Variants in HIVEP1 observed in about 807,000 individuals in gnomAD.
HIVEP1 encodes zinc finger protein 40.
In HIVEP1, 36 loss-of-function variants were observed where a neutral mutation model predicts 180.0. The ratio of observed to expected loss-of-function variants is 0.20; its 90% CI spans 0.15 to 0.26. HIVEP1 has a LOEUF of 0.26. Among genes scored for constraint, HIVEP1 ranks in the 10% least tolerant of loss-of-function variants. The pLI, the probability that HIVEP1 is intolerant of heterozygous loss-of-function variation, is 1.00. For synonymous variants in HIVEP1, 1,239 were observed against 1,239.0 expected, an observed-to-expected ratio of 1.00 and a Z score of 0.00; for missense variants, 3,143 against 3,268.7, an observed-to-expected ratio of 0.96 and a Z score of 0.94.
intron 2 of HIVEP1, among the ~76,000 whole-genome samples, chr6:12,016,340 GA>G (rs371385835): frequency 1.1e-4 from 16 of 152,246 alleles, no homozygotes; most frequent in African/African-American, 3.4e-4. Flanking sequence ...TATCAATGGT[GA>G]ATAGCAATTA....
At chr6:12,161,036 T>C (rs1038402215) in intron 7 of HIVEP1, among the ~76,000 whole-genome samples, 4 of 152,246 alleles carry the variant, frequency 2.6e-5, no homozygotes, top group African/African-American at 7.2e-5. Context: ...AAAAGGAAGA[T>C]ACAAAATAGG....
rs1053174183 is a variant in HIVEP1, at chr6:12,164,648, A to G, written c.*187A>G. The G allele has an allele frequency of 2.0e-5, 11 of 536,696 alleles. No homozygotes were observed. Among genetic ancestry groups the G allele is most frequent in the South Asian group, 1.6e-4 (6 of 36,364 alleles). The allele number at this position is 536,696 out of a possible 1,614,324, so 33.2% of individuals were successfully genotyped here. On this transcript the variant is annotated 3_prime_UTR_variant, in exon 9 of 9. Transcript: ENST00000379388. ...CATTTTTGTACATGTTGTATAGACA[A>G]TTGTGCCTTTTAGGAGCTTTATGTT...
chr6:12,043,302 C>T (rs1259576611), intron 2 of HIVEP1, among the ~76,000 whole-genome samples: 5 of 151,386 alleles, frequency 3.3e-5, no homozygotes, highest in Middle Eastern at 3.2e-3. Flanking sequence ...TATTTATATG[C>T]GCATGAGTGC....
the HIVEP1 span, among the ~76,000 whole-genome samples, chr6:12,173,940 T>C: frequency 1.3e-5 from 2 of 152,164 alleles, no homozygotes; most frequent in African/African-American, 4.8e-5. Flanking sequence ...GCAAGGCTTA[T>C]TTTTGCCCAG....
At chr6:12,084,669 G>T (rs1772999641) in intron 2 of HIVEP1, among the ~76,000 whole-genome samples, 1 of 152,132 alleles carries the variant, frequency 6.6e-6, no homozygotes. Flanking sequence ...GTTACATATG[G>T]TGATCTTTTT....
rs371425920 is a variant in HIVEP1, at chr6:12,123,760, T to C, written c.3965T>C (p.Leu1322Ser). ...LSHTSSFSAS[L>S]DIEDVSKTEA... ...CACACTTCAAGTTTCTCAGCCTCTT[T>C]AGACATAGAGGACGTTTCTAAAACG... Residue 1322 changes from leucine to serine, a missense_variant, in exon 4 of 9, where the codon TTA becomes TCA. Leu to Ser is a moderately radical substitution (Grantham distance 145). This residue lies in a region of HIVEP1 where 1,357 missense variants were observed against 1,260.5 expected (regional missense o/e 1.08). Coordinates refer to ENST00000379388, the MANE Select transcript of HIVEP1 (RefSeq NM_002114.4). 6 of 1,614,072 alleles carry C rather than the reference T, an allele frequency of 3.7e-6. No individual in the cohort carries two copies. In the Admixed American group the frequency reaches 6.7e-5, roughly 18 times the overall value.
intron 2 of HIVEP1, among the ~76,000 whole-genome samples, chr6:12,085,517 C>T (rs1773062448): frequency 6.6e-6 from 1 of 152,146 alleles, no homozygotes; most frequent in South Asian, 2.1e-4. Context: ...TGTAAGGATA[C>T]ACTAAAGTAG....
chr6:12,168,283 TTATATACA>T (rs1554161578), downstream of HIVEP1, among the ~76,000 whole-genome samples: 11 of 117,588 alleles, frequency 9.4e-5, 1 homozygote, highest in African/African-American at 2.9e-4. Context: ...TATACATATA[TTATATACA>T]TATATACATA....
chr6:12,069,081 G>A (rs1054615449), intron 2 of HIVEP1, among the ~76,000 whole-genome samples: 2 of 152,182 alleles, frequency 1.3e-5, no homozygotes, highest in Admixed American at 6.5e-5. Context: ...GAAATGTGTC[G>A]TTAGGTGATT....
At chr6:12,064,107 T>G (rs151212193) in intron 2 of HIVEP1, among the ~76,000 whole-genome samples, 3 of 152,338 alleles carry the variant, frequency 2.0e-5, no homozygotes, top group African/African-American at 7.2e-5. Flanking sequence ...TCTTCTCTAA[T>G]GCATCTACTT....
chr6:12,144,439 C>G (rs555862875), intron 7 of HIVEP1, among the ~76,000 whole-genome samples: 2 of 152,216 alleles, frequency 1.3e-5, no homozygotes, highest in East Asian at 3.9e-4. Flanking sequence ...AGAAGAAAAC[C>G]TAGGCAATAC....
chr6:12,124,402 A>C lies in HIVEP1; in HGVS notation c.4607A>C (p.Gln1536Pro), dbSNP rs762137440. Residue 1536 changes from glutamine (Q) to proline (P), a missense_variant, in exon 4 of 9, where the codon CAG becomes CCG. Physicochemically the swap from Gln to Pro is moderately conservative, Grantham distance 76. Coordinates refer to ENST00000379388, the MANE Select transcript of HIVEP1 (RefSeq NM_002114.4). ...CAGCTATCTCTGCAAGTGTCTACGC[A>C]GGGTAGCAAGCCAGATAAAAATTCT... ...STQLSLQVSTQGSKPDKNSVL... is the reference protein window; with the variant it reads ...STQLSLQVSTPGSKPDKNSVL... 13 of 1,613,996 alleles carry C rather than the reference A, an allele frequency of 8.1e-6. No homozygotes were observed. The highest frequency in any genetic ancestry group is 9.3e-6 in the Non-Finnish European group (11 of 1,180,008).
In HIVEP1 at chr6:12,071,820, G is replaced by A. The variant is rs148226952; in HGVS notation, c.41-17364G>A. Among the ~76,000 whole-genome samples, 8 of 152,234 alleles carry A rather than the reference G, an allele frequency of 5.3e-5. No homozygotes were observed. In the East Asian group the frequency reaches 1.5e-3, roughly 29 times the overall value. On this transcript the variant is annotated intron_variant, in intron 2 of 8. Transcript: ENST00000379388. The stretch of plus-strand genomic sequence containing the variant: ...AGTTCATATTTATGGGATGGCCTTG[G>A]GCTTGAGGGCATTTTTAGATGAGTT...
intron 2 of HIVEP1, among the ~76,000 whole-genome samples, chr6:12,041,368 G>A (rs1412534750): frequency 1.4e-5 from 2 of 139,038 alleles, no homozygotes; most frequent in East Asian, 2.4e-4. Flanking sequence ...CTTGTAGTGA[G>A]CCGAGATCCC....
chr6:12,135,548 A>G (rs1758654677), intron 6 of HIVEP1, among the ~76,000 whole-genome samples: 1 of 152,256 alleles, frequency 6.6e-6, no homozygotes, highest in Admixed American at 6.5e-5. Flanking sequence ...AATAGAAAAC[A>G]TAAGGTAAAG....
intron 8 of HIVEP1, among the ~76,000 whole-genome samples, chr6:12,162,448 CACATTGCT>C (rs1760469540): frequency 6.6e-6 from 1 of 152,214 alleles, no homozygotes; most frequent in Admixed American, 6.5e-5. Context: ...CTTGAATTAT[CACATTGCT>C]ACAGCAGCTT....
intron 2 of HIVEP1, among the ~76,000 whole-genome samples, chr6:12,057,051 G>T (rs1216718846): frequency 1.3e-5 from 2 of 152,034 alleles, no homozygotes; most frequent in East Asian, 3.9e-4. Context: ...ATGTTGCCTA[G>T]TCTGGGTATG....
intron 7 of HIVEP1, 66 bp from the exon 8 acceptor site, chr6:12,161,373 T>A (rs996928955): frequency 2.7e-5 from 40 of 1,488,318 alleles, no homozygotes; most frequent in South Asian, 4.0e-5. Context: ...GTATAAAAAA[T>A]TTTTAAAATA....
intron 3 of HIVEP1, among the ~76,000 whole-genome samples, chr6:12,106,401 T>C (rs1158369609): frequency 6.6e-6 from 1 of 152,148 alleles, no homozygotes; most frequent in Admixed American, 6.5e-5. Context: ...TAAGCCACTT[T>C]TAAACAAAAA....
Sources: gnomAD v4.1 joint callset for allele counts (sites outside exome capture counted in the v4.1 genomes callset) on GRCh38, gnomAD v4.1.1 for gene constraint, gnomAD v4.1.1 regional missense constraint, MANE v1.5 for transcripts, NCBI Gene and HGNC (gene_info 2026-07-23, HGNC 2026-07-21) for gene names.